Variants in IARS2 observed in about 807,000 individuals in gnomAD.
The protein encoded by IARS2 is isoleucyl-tRNA synthetase 2, mitochondrial.
IARS2 carries 56 observed loss-of-function variants against 126.3 expected under a neutral mutation model. That is an observed-to-expected ratio of 0.44 (90% CI 0.36 to 0.55). IARS2 has a LOEUF of 0.55. IARS2 is among the 20% of genes least tolerant of loss of function. The probability of loss-of-function intolerance (pLI) is 0.00; values close to 1 mark genes in which losing one functional copy is unlikely to be tolerated. For synonymous variants in IARS2, 407 were observed against 441.1 expected, an observed-to-expected ratio of 0.92 and a Z score of 0.97; for missense variants, 1,127 against 1,245.9, an observed-to-expected ratio of 0.90 and a Z score of 1.44.
chr1:220,143,076 C>T lies in IARS2; in HGVS notation c.2693C>T (p.Ala898Val). The T allele has an allele frequency of 6.2e-7, 1 of 1,614,098 alleles. No homozygotes were observed. Among genetic ancestry groups the T allele is most frequent in the Non-Finnish European group, 8.5e-7 (1 of 1,179,980 alleles). ...SFLGSIPGKN[A>V]AEYKVITVIE... ...CTTGGAAGCATCCCTGGCAAAAATG[C>T]AGCTGAGTACAAGGTTATCACTGTG... is the stretch of plus-strand genomic sequence containing the variant. The change falls in exon 21 of 23, where the codon GCA becomes GTA. Residue 898 changes from alanine (A) to valine (V), a missense_variant. Transcript: ENST00000366922.
At chr1:220,119,490 G>C (rs1428991965) in intron 12 of IARS2, among the ~76,000 whole-genome samples, 1 of 151,978 alleles carries the variant, frequency 6.6e-6, no homozygotes, top group South Asian at 2.1e-4. Context: ...GACAAATTAG[G>C]AATTTTCCTG....
At chr1:220,145,964 C>T (rs976938248) in intron 22 of IARS2, among the ~76,000 whole-genome samples, 2 of 152,068 alleles carry the variant, frequency 1.3e-5, no homozygotes, top group Admixed American at 1.3e-4. Flanking sequence ...TCTTTTGTGT[C>T]CCCCTGCTTT....
At chr1:220,110,061 A>T (rs972256543) in intron 10 of IARS2, among the ~76,000 whole-genome samples, 4 of 150,530 alleles carry the variant, frequency 2.7e-5, no homozygotes, top group African/African-American at 9.8e-5. Context: ...TTTTTATTTT[A>T]TTTTTTTTTG....
chr1:220,112,235 C>T (rs1176559831), intron 11 of IARS2, among the ~76,000 whole-genome samples: 3 of 117,822 alleles, frequency 2.5e-5, no homozygotes, highest in Non-Finnish European at 3.5e-5. Context: ...CCCGGGTTCA[C>T]GCCATTCTCC....
intron 16 of IARS2, 45 bp from the exon 17 acceptor site, chr1:220,137,873 G>T (rs1657410663): frequency 6.2e-7 from 1 of 1,608,638 alleles, no homozygotes. Context: ...CGGCTAATTG[G>T]AATTGAAAGC....
At chr1:220,096,018 TAAGC>T (rs1355473073) in intron 1 of IARS2, 82 bp from the exon 2 acceptor site, 1 of 717,942 alleles carries the variant, frequency 1.4e-6, no homozygotes, top group African/African-American at 1.8e-5. Flanking sequence ...GGAATGGAAA[TAAGC>T]AAGTGTTGGC....
chr1:220,094,961 C>A (rs940619027), intron 1 of IARS2, among the ~76,000 whole-genome samples: 1 of 150,218 alleles, frequency 6.7e-6, no homozygotes, highest in Non-Finnish European at 1.5e-5. Flanking sequence ...GTCACCCCCA[C>A]CCCCCCGTCC....
intron 19 of IARS2, among the ~76,000 whole-genome samples, 192 bp from the exon 20 acceptor site, chr1:220,141,611 G>A (rs1169502040): frequency 2.6e-5 from 4 of 152,208 alleles, no homozygotes; most frequent in African/African-American, 9.6e-5. Flanking sequence ...GCGTAGCCAT[G>A]AGTGCTTTCA....
Position 220,094,299 on chromosome 1 carries a change from C to T in IARS2, c.83C>T (p.Pro28Leu), listed in dbSNP as rs1450126182. ...AGTTTGTGGGGGACGCCCCGCCTTCCCTGCAGCCCGGGATGGCAAGGGGCG... is the reference window on the plus strand; with the variant it reads ...AGTTTGTGGGGGACGCCCCGCCTTCTCTGCAGCCCGGGATGGCAAGGGGCG... ...ARSLWGTPRL[P>L]CSPGWQGATK... is the part of the protein sequence containing the mutation. The change falls in exon 1 of 23, where the codon CCC becomes CTC. Residue 28 changes from proline (P) to leucine (L), a missense_variant. Coordinates refer to ENST00000366922, the MANE Select transcript of IARS2 (RefSeq NM_018060.4). 3.7e-6 allele frequency: 6 copies of T among 1,611,936 alleles called. No individual in the cohort carries two copies. The African/African-American group carries it at 4.0e-5, about 11-fold the overall frequency.
In IARS2 at chr1:220,142,968, G is replaced by A. The variant is rs764744184; in HGVS notation, c.2585G>A (p.Gly862Glu). Reference protein sequence around the residue: ...IKEPKSVFRTGWISTSSIWKK... With the variant: ...IKEPKSVFRTEWISTSSIWKK... ...GAGCCCAAGAGTGTTTTCCGTACTG[G>A]GTGGATTAGTACTAGTTCTATCTGG... The change falls in exon 21 of 23, where the codon GGG (glycine) becomes GAG (glutamate). Residue 862 changes from glycine (G) to glutamate (E), a missense_variant. Physicochemically the swap from Gly to Glu is moderately conservative, Grantham distance 98. Coordinates refer to ENST00000366922, the MANE Select transcript of IARS2 (RefSeq NM_018060.4). 1.5e-5 allele frequency: 24 copies of A among 1,612,980 alleles called. No homozygotes were observed. The highest frequency in any genetic ancestry group is 2.0e-5 in the Non-Finnish European group (23 of 1,179,348).
intron 22 of IARS2, among the ~76,000 whole-genome samples, chr1:220,146,924 G>A (rs1470421297): frequency 2.6e-5 from 4 of 151,874 alleles, no homozygotes; most frequent in Non-Finnish European, 5.9e-5. Context: ...CACCCGCCTC[G>A]GCATCCCAAA....
chr1:220,142,054 C>A, intron 20 of IARS2, 106 bp downstream of exon 20: 1 of 1,053,782 alleles, frequency 9.5e-7, no homozygotes, highest in Non-Finnish European at 1.4e-6. Context: ...TTTACAGTGA[C>A]TGCTGTGTGA....
At chr1:220,099,207 G>A (rs1319020573) in intron 2 of IARS2, among the ~76,000 whole-genome samples, 4 of 110,106 alleles carry the variant, frequency 3.6e-5, no homozygotes, top group Admixed American at 1.1e-4. Flanking sequence ...GCGAGACTCC[G>A]TCTCAAAAAA....
rs567644724 is a variant in IARS2, at chr1:220,101,777, G to A, written c.551-352G>A. On this transcript the variant is annotated intron_variant, in intron 3 of 22. Coordinates refer to ENST00000366922, the MANE Select transcript of IARS2 (RefSeq NM_018060.4). ...GCACTTTGGGAGGCTGAGGCGGGTAGATCACGAGGTCAGGAGATCCAGACC... is the reference window on the plus strand; with the variant it reads ...GCACTTTGGGAGGCTGAGGCGGGTAAATCACGAGGTCAGGAGATCCAGACC... Among the ~76,000 whole-genome samples, 273 of 152,240 alleles carry A rather than the reference G, an allele frequency of 1.8e-3. 2 individuals carry two copies. The highest frequency in any genetic ancestry group is 6.3e-3 in the African/African-American group (262 of 41,540).
intron 14 of IARS2, among the ~76,000 whole-genome samples, chr1:220,132,828 A>G (rs1048782520): frequency 6.6e-6 from 1 of 151,728 alleles, no homozygotes; most frequent in African/African-American, 2.4e-5. Context: ...ACCCAGCCCC[A>G]TGTCTCCTTT....
At position 220,111,596 on chromosome 1, in the gene IARS2, ATATGTG is replaced by A. The variant is rs974868983; in HGVS notation, c.1479+661_1479+666del. Among the ~76,000 whole-genome samples the A allele has an allele frequency of 3.8e-5, 5 of 133,318 alleles. No homozygotes were observed. The Admixed American group carries it at 3.8e-4, about 10-fold the overall frequency. The allele number at this position is 133,318 out of a possible 152,430, so 87.5% of individuals were successfully genotyped here. ...TATGGGTATATATATATATATATAT[ATATGTG>A]TGTGTGTGTGTGTGTGTGTGTGTAA... is the stretch of plus-strand genomic sequence containing the variant. On this transcript the variant is annotated intron_variant, in intron 11 of 22. Transcript: ENST00000366922.
At chr1:220,140,415 G>A in intron 19 of IARS2, 126 bp downstream of exon 19, 1 of 602,710 alleles carries the variant, frequency 1.7e-6, no homozygotes, top group Non-Finnish European at 2.9e-6. Flanking sequence ...AGACCAGTAT[G>A]GCAAAATACA....
At chr1:220,147,387 C>A in intron 22 of IARS2, 106 bp from the exon 23 acceptor site, 2 of 1,061,706 alleles carry the variant, frequency 1.9e-6, no homozygotes, top group Non-Finnish European at 2.8e-6. Flanking sequence ...CAAGCTTTAC[C>A]AAGGCAGGAC....
chr1:220,110,810 A>G lies in IARS2; in HGVS notation c.1352A>G (p.Lys451Arg). The change falls in exon 11 of 23, where the codon AAG becomes AGG. Residue 451 changes from lysine to arginine, a missense_variant. Transcript: ENST00000366922. ...DVVIKMLQTA[K>R]NLLKEEKLVH... The stretch of plus-strand genomic sequence containing the variant: ...GTTATAAAGATGCTTCAGACTGCAA[A>G]GAATTTGTTGAAAGAGGAGAAATTG... The G allele has an allele frequency of 6.2e-7, 1 of 1,610,712 alleles. No individual in the cohort carries two copies. The highest frequency in any genetic ancestry group is 8.5e-7 in the Non-Finnish European group (1 of 1,178,010).
Sources: allele counts gnomAD v4.1 joint callset (sites outside exome capture counted in the v4.1 genomes callset), GRCh38; gene constraint gnomAD v4.1.1; transcripts MANE v1.5; gene names NCBI Gene and HGNC (gene_info 2026-07-23, HGNC 2026-07-21).